Variants in ABCD2 observed in about 807,000 individuals in gnomAD.
ABCD2 encodes ATP-binding cassette sub-family D member 2.
In ABCD2, 36 loss-of-function variants were observed where a neutral mutation model predicts 70.9. The ratio of observed to expected loss-of-function variants is 0.51; its 90% CI spans 0.39 to 0.67. ABCD2 has a LOEUF of 0.67. Among genes scored for constraint, ABCD2 ranks in the 30% least tolerant of loss-of-function variants. The probability of loss-of-function intolerance (pLI) is 0.00; values close to 1 mark genes in which losing one functional copy is unlikely to be tolerated. For missense variants in ABCD2, 729 were observed against 890.2 expected (o/e 0.82, Z 2.30); for synonymous variants, 304 against 306.9 (o/e 0.99, Z 0.10).
intron 8 of ABCD2, 114 bp downstream of exon 8, chr12:39,579,420 TA>T: frequency 1.4e-6 from 1 of 699,288 alleles, no homozygotes. Flanking sequence ...TGTAGTAAGA[TA>T]TTTTTAAGCT....
chr12:39,618,045 T>C lies in ABCD2; in HGVS notation c.939+632A>G, dbSNP rs146700301. ...TTCAGCTTTTTTTTTTTTTCAAAGC[T>C]AGACAAAATTTCATTTCACTTCCTC... On this transcript the variant is annotated intron_variant, in intron 1 of 9. Transcript: ENST00000308666. Among the ~76,000 whole-genome samples, 375 of 151,852 alleles carry C rather than the reference T, an allele frequency of 2.5e-3. 1 individual carries two copies. Among genetic ancestry groups the C allele is most frequent in the African/African-American group, 8.5e-3 (353 of 41,410 alleles).
intron 8 of ABCD2, 94 bp downstream of exon 8, chr12:39,579,441 G>C: frequency 1.2e-6 from 1 of 805,622 alleles, no homozygotes. Context: ...TACAGATGAA[G>C]ACGATAAATC....
chr12:39,609,157 T>TTGAATGGATGGA (rs1942012159), intron 2 of ABCD2, among the ~76,000 whole-genome samples: 1 of 152,166 alleles, frequency 6.6e-6, no homozygotes, highest in Non-Finnish European at 1.5e-5. Flanking sequence ...TTAATGTGCA[T>TTGAATGGATGGA]TGAATGGATG....
chr12:39,566,007 G>C (rs996946063), intron 9 of ABCD2, among the ~76,000 whole-genome samples: 1 of 152,174 alleles, frequency 6.6e-6, no homozygotes, highest in African/African-American at 2.4e-5. Flanking sequence ...TAAGCTTTTT[G>C]ATGTGCTGCT....
chr12:39,577,280 A>G (rs1941532370), intron 8 of ABCD2, among the ~76,000 whole-genome samples: 1 of 152,142 alleles, frequency 6.6e-6, no homozygotes, highest in Non-Finnish European at 1.5e-5. Context: ...AATTCTTTAA[A>G]TCATTTTTTA....
chr12:39,598,405 A>G (rs1253831596), intron 6 of ABCD2, among the ~76,000 whole-genome samples: 1 of 152,126 alleles, frequency 6.6e-6, no homozygotes, highest in Non-Finnish European at 1.5e-5. Flanking sequence ...ATTAGATTAT[A>G]TATACATTTT....
At chr12:39,539,479 A>T in the ABCD2 span, 1 of 154,166 alleles carries the variant, frequency 6.5e-6, no homozygotes, top group African/African-American at 2.4e-5. Context: ...TTTTCTGCTC[A>T]ATATCTTAAA....
intron 9 of ABCD2, among the ~76,000 whole-genome samples, 154 bp downstream of exon 9, chr12:39,573,562 G>T (rs1299687232): frequency 1.3e-5 from 2 of 152,040 alleles, no homozygotes; most frequent in Non-Finnish European, 2.9e-5. Flanking sequence ...TATTAGGTAG[G>T]GAGTATCTAA....
intron 6 of ABCD2, among the ~76,000 whole-genome samples, chr12:39,598,404 T>C (rs1321268493): frequency 1.3e-5 from 2 of 152,192 alleles, no homozygotes; most frequent in Non-Finnish European, 2.9e-5. Flanking sequence ...AATTAGATTA[T>C]ATATACATTT....
chr12:39,600,534 G>C (rs767453509), intron 6 of ABCD2, 37 bp downstream of exon 6: 1 of 1,504,520 alleles, frequency 6.6e-7, no homozygotes. Flanking sequence ...AAGAGCAAAA[G>C]GAAATTGTTT....
At chr12:39,534,735 G>GGAAAA in the ABCD2 span, among the ~76,000 whole-genome samples, 4 of 97,006 alleles carry the variant, frequency 4.1e-5, no homozygotes, top group South Asian at 3.4e-4. Flanking sequence ...AGGAAAAGAA[G>GGAAAA]GAAGGAAGGA....
At chr12:39,547,559 T>G (rs1229681899), downstream of ABCD2, among the ~76,000 whole-genome samples, 3 of 152,034 alleles carry the variant, frequency 2.0e-5, no homozygotes, top group Non-Finnish European at 4.4e-5. Context: ...AATAAGCCAG[T>G]CACAAAAAAG....
rs899375486 is a variant in ABCD2 at position 39,598,815 on chromosome 12, T to C, written c.1646+1756A>G. 8.5e-5 allele frequency among the ~76,000 whole-genome samples: 13 copies of C among 152,190 alleles called. No homozygotes were observed. In the East Asian group the frequency reaches 2.1e-3, roughly 25 times the overall value. On this transcript the variant is annotated intron_variant, in intron 6 of 9. Transcript: ENST00000308666. ...TAAAAACGTAAGATTATTTTTTAAATTTACTCGAAAAAATAGCTTTTGGAA... is the reference window on the plus strand; with the variant it reads ...TAAAAACGTAAGATTATTTTTTAAACTTACTCGAAAAAATAGCTTTTGGAA...
intron 1 of ABCD2, 134 bp from the exon 2 acceptor site, chr12:39,617,302 G>T: frequency 1.9e-6 from 1 of 518,494 alleles, no homozygotes; most frequent in Non-Finnish European, 3.0e-6. Flanking sequence ...TTATTATTTA[G>T]TTTTGGTCAC....
intron 6 of ABCD2, among the ~76,000 whole-genome samples, chr12:39,589,496 T>C (rs994232738): frequency 1.3e-5 from 2 of 151,784 alleles, no homozygotes; most frequent in Admixed American, 1.3e-4. Context: ...TTCTCGCTGT[T>C]CTCTTGTCAG....
chr12:39,619,521 G>A lies in ABCD2; in HGVS notation c.95C>T (p.Ala32Val). 1.2e-6 allele frequency: 2 copies of A among 1,612,080 alleles called. No homozygotes were observed. The highest frequency in any genetic ancestry group is 1.7e-6 in the Non-Finnish European group (2 of 1,179,996). The change falls in exon 1 of 10, where the codon GCT becomes GTT. Residue 32 changes from alanine to valine, a missense_variant. Coordinates refer to ENST00000308666, the MANE Select transcript of ABCD2 (RefSeq NM_005164.4). The stretch of plus-strand genomic sequence containing the variant: ...AATGATGGGATAGAGGGTTTTCAGA[G>A]CATATGCCGCAGCCACCAGGCAGGC... ...RAACLVAAAY[A>V]LKTLYPIIGK...
At chr12:39,586,022 C>G (rs933471251) in intron 7 of ABCD2, 130 bp downstream of exon 7, 5 of 789,236 alleles carry the variant, frequency 6.3e-6, no homozygotes, top group Non-Finnish European at 9.3e-6. Context: ...CAATAAAACT[C>G]CATCTTTACA....
At chr12:39,568,543 G>A (rs1030157122) in intron 9 of ABCD2, among the ~76,000 whole-genome samples, 17 of 152,080 alleles carry the variant, frequency 1.1e-4, no homozygotes, top group African/African-American at 3.6e-4. Flanking sequence ...TTTTTTTCAA[G>A]GTTTTTAACT....
chr12:39,545,944 T>C (rs574152290), downstream of ABCD2, among the ~76,000 whole-genome samples: 11 of 152,272 alleles, frequency 7.2e-5, no homozygotes, highest in African/African-American at 2.2e-4. Flanking sequence ...AGATAGTCCA[T>C]TTATATAGTT....
Sources: gnomAD v4.1 joint callset for allele counts (sites outside exome capture counted in the v4.1 genomes callset) on GRCh38, gnomAD v4.1.1 for gene constraint, MANE v1.5 for transcripts, NCBI Gene and HGNC (gene_info 2026-07-23, HGNC 2026-07-21) for gene names.